PNPLA7: variants seen among roughly 807,000 people sequenced by gnomAD.
PNPLA7 encodes the protein patatin like domain 7, lysophospholipase, also known as patatin-like phospholipase domain-containing protein 7.
PNPLA7 carries 153 observed loss-of-function variants against 161.7 expected under a neutral mutation model. The ratio of observed to expected loss-of-function variants is 0.95; its 90% CI spans 0.83 to 1.08. The LOEUF is 1.08. Ranked by LOEUF, PNPLA7 falls within the 50% of genes least tolerant of loss-of-function variation. PNPLA7 has a pLI of 0.00. For missense variants in PNPLA7, 1,739 were observed against 1,856.6 expected (o/e 0.94, Z 1.16); for synonymous variants, 809 against 782.1 (o/e 1.03, Z -0.57).
At chr9:137,493,724 C>T (rs541040343) in intron 19 of PNPLA7, among the ~76,000 whole-genome samples, 7 of 152,324 alleles carry the variant, frequency 4.6e-5, no homozygotes, top group South Asian at 2.1e-4. Context: ...GCTCCTGCTC[C>T]GAGGCGCTCA....
At chr9:137,507,637 C>G (rs1588636235) in intron 12 of PNPLA7, among the ~76,000 whole-genome samples, 1 of 152,100 alleles carries the variant, frequency 6.6e-6, no homozygotes, top group East Asian at 1.9e-4. Flanking sequence ...CCATTGCACT[C>G]CAGCTTGGGT....
intron 19 of PNPLA7, among the ~76,000 whole-genome samples, chr9:137,494,245 C>T (rs1297650800): frequency 2.6e-5 from 4 of 152,134 alleles, no homozygotes; most frequent in Admixed American, 6.5e-5. Context: ...CCTGCACTTC[C>T]GAGCAGCCCG....
rs1431059731 is a variant in PNPLA7, at chr9:137,520,680, T to G, written c.958-637A>C. ...GCAGGGCACGAAACCCTGGTCTCAC[T>G]CAGTTCCCACGAGAGCTCGGCTAGG... On this transcript the variant is annotated intron_variant, in intron 10 of 34. Coordinates refer to ENST00000406427, the MANE Select transcript of PNPLA7 (RefSeq NM_001098537.3). The surrounding 1 kb of genome is among the most constrained non-coding windows in gnomAD (Gnocchi z 5.2). Among the ~76,000 whole-genome samples, 2 of 152,210 alleles carry G rather than the reference T, an allele frequency of 1.3e-5. No individual in the cohort carries two copies. The highest frequency in any genetic ancestry group is 4.8e-5 in the African/African-American group (2 of 41,464).
intron 14 of PNPLA7, among the ~76,000 whole-genome samples, chr9:137,504,039 GAAGA>G (rs752612466): frequency 1.0e-4 from 14 of 138,138 alleles, no homozygotes; most frequent in South Asian, 2.5e-4. Flanking sequence ...GAGGAAGGAA[GAAGA>G]AAGAAGAAGG....
In PNPLA7 at chr9:137,541,335, A is replaced by T; in HGVS notation, c.667-613T>A. The T allele has an allele frequency of 1.3e-6, 1 of 795,588 alleles. No homozygotes were observed. The highest frequency in any genetic ancestry group is 1.5e-6 in the Non-Finnish European group (1 of 656,534). 49.3% of individuals were successfully genotyped at this position (795,588 alleles called of 1,614,324 possible). A position where few individuals can be genotyped will look rare whatever the true frequency, so the allele number is the denominator to read the frequency against. ...TCACCAGCTGGGCGGCCTCATCCCC[A>T]GGAGCTACTGGCTCCAGCTTCCCCC... On this transcript the variant is annotated intron_variant, in intron 7 of 34. Coordinates refer to ENST00000406427, the MANE Select transcript of PNPLA7 (RefSeq NM_001098537.3). The surrounding 1 kb of genome is among the most constrained non-coding windows in gnomAD (Gnocchi z 4.4).
At chr9:137,473,278 C>T (rs1831797019) in intron 25 of PNPLA7, among the ~76,000 whole-genome samples, 1 of 152,144 alleles carries the variant, frequency 6.6e-6, no homozygotes, top group Admixed American at 6.5e-5. Flanking sequence ...CAACCAGACA[C>T]CACATGGGAA....
rs1832699711 is a variant in PNPLA7, at chr9:137,490,237, G to C, written c.2197+2776C>G. ...ACCCTCTGCATAGCTGGGACGACAG[G>C]TGTGTGCTAACATGCCTGGATCATT... On this transcript the variant is annotated intron_variant, in intron 20 of 34. Coordinates refer to ENST00000406427, the MANE Select transcript of PNPLA7 (RefSeq NM_001098537.3). The surrounding 1 kb of genome is among the most constrained non-coding windows in gnomAD (Gnocchi z 4.1). Among the ~76,000 whole-genome samples, 1 of 152,208 alleles carries C rather than the reference G, an allele frequency of 6.6e-6. No homozygotes were observed. The highest frequency in any genetic ancestry group is 1.9e-4 in the East Asian group (1 of 5,198).
rs1282194928 is a variant in PNPLA7, at chr9:137,505,571, C to G, written c.1473+43G>C. 18 of 1,607,960 alleles carry G rather than the reference C, an allele frequency of 1.1e-5. No individual in the cohort carries two copies. The South Asian group carries it at 1.8e-4, about 16-fold the overall frequency. On this transcript the variant is annotated intron_variant, in intron 14 of 34. Coordinates refer to ENST00000406427, the MANE Select transcript of PNPLA7 (RefSeq NM_001098537.3). ...ACAGAGGCAGAGAGGAGGCCACGGG[C>G]CCTGGGTGGGACAAGGGCCAGGTGC... is the stretch of plus-strand genomic sequence containing the variant.
chr9:137,492,219 C>A, intron 20 of PNPLA7: 1 of 985,300 alleles, frequency 1.0e-6, no homozygotes, highest in Non-Finnish European at 1.2e-6. Flanking sequence ...ATTCCCCACA[C>A]TCTAGAATGG....
intron 20 of PNPLA7, among the ~76,000 whole-genome samples, chr9:137,488,060 A>C (rs1360194407): frequency 6.6e-6 from 1 of 152,230 alleles, no homozygotes; most frequent in African/African-American, 2.4e-5. Context: ...AACAATGCAC[A>C]CACACACCAA....
Position 137,460,313 on chromosome 9 carries a change from C to G in PNPLA7, c.*80G>C. 2 of 1,417,422 alleles carry G rather than the reference C, an allele frequency of 1.4e-6. No individual in the cohort carries two copies. The highest frequency in any genetic ancestry group is 1.9e-6 in the Non-Finnish European group (2 of 1,032,670). The allele number at this position is 1,417,422 out of a possible 1,614,324, so 87.8% of individuals were successfully genotyped here. A position where few individuals can be genotyped will look rare whatever the true frequency, so the allele number is the denominator to read the frequency against. On this transcript the variant is annotated 3_prime_UTR_variant, in exon 35 of 35. Coordinates refer to ENST00000406427, the MANE Select transcript of PNPLA7 (RefSeq NM_001098537.3). ...GCTTCCAGCAGGGCAGGTACAGAGG[C>G]CCCTAGGACTTGGCAGGAGCCTCAG... is the stretch of plus-strand genomic sequence containing the variant.
intron 14 of PNPLA7, among the ~76,000 whole-genome samples, chr9:137,505,217 A>G (rs1833851182): frequency 1.4e-5 from 2 of 141,414 alleles, no homozygotes; most frequent in South Asian, 4.5e-4. Context: ...AAAGCTTTCC[A>G]TCATATGTAA....
Position 137,497,278 on chromosome 9 carries a change from A to G in PNPLA7, c.1922T>C (p.Met641Thr). ...CACAGAGCGCAGCCGGCCGCTGAGC[A>G]TGATGTACGTGCAGTCGGACTTGTC... Reference protein sequence around the residue: ...QGDKSDCTYIMLSGRLRSVIR... With the variant: ...QGDKSDCTYITLSGRLRSVIR... The change falls in exon 18 of 35, where the codon ATG (methionine) becomes ACG (threonine). Residue 641 changes from methionine to threonine, a missense_variant. This residue lies in a region of PNPLA7 where 481 missense variants were observed against 450.0 expected (regional missense o/e 1.07). Coordinates refer to ENST00000406427, the MANE Select transcript of PNPLA7 (RefSeq NM_001098537.3). The G allele has an allele frequency of 1.3e-6, 2 of 1,588,400 alleles. No homozygotes were observed. The highest frequency in any genetic ancestry group is 1.4e-5 in the African/African-American group (1 of 73,852).
At position 137,547,175 on chromosome 9, in the gene PNPLA7, G is replaced by T. The variant is rs1484529261; in HGVS notation, c.193+134C>A. The T allele has an allele frequency of 1.1e-6, 1 of 931,746 alleles. No individual in the cohort carries two copies. The highest frequency in any genetic ancestry group is 1.7e-6 in the Non-Finnish European group (1 of 588,268). 57.7% of individuals were successfully genotyped at this position (931,746 alleles called of 1,614,324 possible). A position where few individuals can be genotyped will look rare whatever the true frequency, so the allele number is the denominator to read the frequency against. ...CCTGGAACCGACGGGCTCAGCCTGAGCCCAGACGGGCCATCAGATTCTAGC... is the reference window on the plus strand; with the variant it reads ...CCTGGAACCGACGGGCTCAGCCTGATCCCAGACGGGCCATCAGATTCTAGC... On this transcript the variant is annotated intron_variant, in intron 3 of 34. Coordinates refer to ENST00000406427, the MANE Select transcript of PNPLA7 (RefSeq NM_001098537.3). This position sits in a 1 kb window ranked among gnomAD's most constrained non-coding sequence, Gnocchi z 4.6.
intron 25 of PNPLA7, among the ~76,000 whole-genome samples, chr9:137,474,787 C>T (rs1038759335): frequency 3.4e-5 from 5 of 146,814 alleles, no homozygotes; most frequent in Non-Finnish European, 7.5e-5. Context: ...CCAAGGCAGG[C>T]GGATCACGAG....
In PNPLA7 at chr9:137,460,717, C is replaced by CCGTCTGGTAGTCAGATT; in HGVS notation, c.3845_3861dup (p.Glu1288AsnfsTer66). 6.2e-7 allele frequency: 1 copy of CCGTCTGGTAGTCAGATT among 1,612,772 alleles called. No homozygotes were observed. Among genetic ancestry groups the CCGTCTGGTAGTCAGATT allele is most frequent in the South Asian group, 1.1e-5 (1 of 91,074 alleles). On this transcript the variant is annotated frameshift_variant, in exon 34 of 35. Transcript: ENST00000406427. LOFTEE classifies it high-confidence loss of function. ...ACGTCCAGCAGCTCCTCCTCGTACT[C>CCGTCTGGTAGTCAGATT]CGTCTGGTAGTCAGATTCGTCTGGC...
chr9:137,528,895 T>G (rs1307518462), intron 8 of PNPLA7, among the ~76,000 whole-genome samples: 1 of 151,918 alleles, frequency 6.6e-6, no homozygotes, highest in Non-Finnish European at 1.5e-5. Context: ...AGAGACGAGG[T>G]TTCACTGCGT....
intron 11 of PNPLA7, among the ~76,000 whole-genome samples, chr9:137,518,058 A>G (rs1588663047): frequency 1.5e-5 from 1 of 68,466 alleles, no homozygotes; most frequent in Admixed American, 1.7e-4. Flanking sequence ...CCACTCACTC[A>G]CTCCACTCTG....
intron 14 of PNPLA7, among the ~76,000 whole-genome samples, chr9:137,502,187 A>G (rs954744634): frequency 3.3e-5 from 5 of 152,280 alleles, no homozygotes; most frequent in African/African-American, 9.6e-5. Flanking sequence ...ACTGGAACCC[A>G]GAAGGCAGAG....
Sources: gnomAD v4.1 joint callset for allele counts (sites outside exome capture counted in the v4.1 genomes callset) on GRCh38, gnomAD v4.1.1 for gene constraint, gnomAD v4.1.1 regional missense constraint, Gnocchi (gnomAD v3.1) non-coding constraint, MANE v1.5 for transcripts, NCBI Gene and HGNC (gene_info 2026-07-23, HGNC 2026-07-21) for gene names.